The following TFAP2D variants were observed in gnomAD, a reference collection of about 807,000 sequenced individuals.
TFAP2D encodes the protein transcription factor AP-2 delta.
Under a neutral mutation model 43.6 loss-of-function variants are expected in TFAP2D, and 9 were observed. That is an observed-to-expected ratio of 0.21 (90% CI 0.12 to 0.36). TFAP2D has a LOEUF of 0.36. Among genes scored for constraint, TFAP2D ranks in the 10% least tolerant of loss-of-function variants. The probability of loss-of-function intolerance (pLI) is 1.00; values close to 1 mark genes in which losing one functional copy is unlikely to be tolerated. For missense variants in TFAP2D, 513 were observed against 561.4 expected (o/e 0.91, Z 0.87); for synonymous variants, 256 against 224.9 (o/e 1.14, Z -1.24).
intron 6 of TFAP2D, among the ~76,000 whole-genome samples, chr6:50,750,004 C>T (rs1459203129): frequency 6.6e-6 from 1 of 151,796 alleles, no homozygotes; most frequent in Non-Finnish European, 1.5e-5. Context: ...TGGCATTAAA[C>T]CAGACCCTCA....
At chr6:50,744,694 A>G (rs1769099590) in intron 5 of TFAP2D, among the ~76,000 whole-genome samples, 1 of 152,162 alleles carries the variant, frequency 6.6e-6, no homozygotes, top group Non-Finnish European at 1.5e-5. Context: ...TGGAAAAAAC[A>G]TCTGAATAGT....
chr6:50,752,242 A>T (rs1769210175), intron 7 of TFAP2D, among the ~76,000 whole-genome samples: 2 of 151,944 alleles, frequency 1.3e-5, no homozygotes, highest in South Asian at 4.1e-4. Flanking sequence ...AAAGAAATGT[A>T]TTATTGGAAG....
chr6:50,766,654 CTTTTTTT>C (rs763018088), intron 7 of TFAP2D, among the ~76,000 whole-genome samples: 8 of 57,384 alleles, frequency 1.4e-4, no homozygotes, highest in Middle Eastern at 0.02. Context: ...AGATTGCTTT[CTTTTTTT>C]TTTTTTTTTT....
In TFAP2D at chr6:50,733,143, G is replaced by A. The variant is rs564664286; in HGVS notation, c.883+3831G>A. Among the ~76,000 whole-genome samples, 9 of 152,148 alleles carry A rather than the reference G, an allele frequency of 5.9e-5. No homozygotes were observed. In the East Asian group the frequency reaches 1.7e-3, roughly 29 times the overall value. ...AGTTGTTTGAAAAGTGAACATTTTA[G>A]TAAGGCAGATATTTAGACTGGGGAT... is the stretch of plus-strand genomic sequence containing the variant. On this transcript the variant is annotated intron_variant, in intron 5 of 7. Coordinates refer to ENST00000008391, the MANE Select transcript of TFAP2D (RefSeq NM_172238.4).
At chr6:50,754,344 ATGTG>A (rs146556247) in intron 7 of TFAP2D, among the ~76,000 whole-genome samples, 2 of 148,186 alleles carry the variant, frequency 1.3e-5, no homozygotes, top group African/African-American at 2.5e-5. Flanking sequence ...GTGTGTGTGT[ATGTG>A]TGTGTGTGTG....
At chr6:50,743,208 T>C (rs1012493073) in intron 5 of TFAP2D, among the ~76,000 whole-genome samples, 12 of 152,148 alleles carry the variant, frequency 7.9e-5, no homozygotes, top group Admixed American at 7.2e-4. Context: ...ATGTGAAATA[T>C]GTGTGGAGAG....
chr6:50,748,048 C>A (rs1042348997), intron 6 of TFAP2D, among the ~76,000 whole-genome samples: 3 of 151,858 alleles, frequency 2.0e-5, no homozygotes, highest in Admixed American at 6.6e-5. Flanking sequence ...AATTATAATA[C>A]AGCTTTATAA....
intron 1 of TFAP2D, 80 bp downstream of exon 1, chr6:50,714,174 G>GGCGGCGGCA: frequency 3.5e-6 from 5 of 1,411,500 alleles, no homozygotes; most frequent in Non-Finnish European, 4.9e-6. Flanking sequence ...TGGCGGCGGC[G>GGCGGCGGCA]GTGGCAGCCT....
intron 6 of TFAP2D, among the ~76,000 whole-genome samples, chr6:50,746,721 G>A (rs1658905928): frequency 6.6e-6 from 1 of 152,108 alleles, no homozygotes; most frequent in Admixed American, 6.6e-5. Context: ...TGTAACATAG[G>A]ACTTTTTACA....
At chr6:50,769,882 G>C (rs1769500246) in intron 7 of TFAP2D, among the ~76,000 whole-genome samples, 1 of 152,120 alleles carries the variant, frequency 6.6e-6, no homozygotes, top group East Asian at 1.9e-4. Flanking sequence ...AAGTGATACA[G>C]ATAAAAAACT....
rs1769120695 is a variant in TFAP2D at position 50,746,021 on chromosome 6, G to A, written c.1025+773G>A. Among the ~76,000 whole-genome samples the A allele has an allele frequency of 1.3e-5, 2 of 152,100 alleles. 1 individual carries two copies. The highest frequency in any genetic ancestry group is 3.9e-4 in the East Asian group (2 of 5,178). ...ATCCAGCAGAACCGCAGATAGCACT[G>A]CAGGTTACGTTCAAAAGTTTTAGAG... On this transcript the variant is annotated intron_variant, in intron 6 of 7. Transcript: ENST00000008391.
At chr6:50,756,112 C>T (rs568271539) in intron 7 of TFAP2D, among the ~76,000 whole-genome samples, 4 of 152,160 alleles carry the variant, frequency 2.6e-5, no homozygotes, top group African/African-American at 9.6e-5. Flanking sequence ...GTCTGCCCAC[C>T]TTGGCCTCCT....
intron 1 of TFAP2D, among the ~76,000 whole-genome samples, chr6:50,714,716 G>T (rs946199156): frequency 6.6e-6 from 1 of 152,122 alleles, no homozygotes; most frequent in Non-Finnish European, 1.5e-5. Context: ...CTTTTCGGGT[G>T]GACTCGTTCC....
At chr6:50,714,138 T>TGTG (rs1768575103) in intron 1 of TFAP2D, 44 bp downstream of exon 1, 1 of 1,571,122 alleles carries the variant, frequency 6.4e-7, no homozygotes, top group East Asian at 2.3e-5. Context: ...CGCGCGTGTG[T>TGTG]GTGGCGGCGG....
intron 7 of TFAP2D, among the ~76,000 whole-genome samples, chr6:50,751,637 C>T (rs1323016135): frequency 6.6e-6 from 1 of 151,882 alleles, no homozygotes; most frequent in African/African-American, 2.4e-5. Flanking sequence ...ACAAGATCCC[C>T]TGGGCTCTTT....
chr6:50,772,505 C>G (rs1769543630), intron 7 of TFAP2D, 140 bp from the exon 8 acceptor site: 1 of 750,210 alleles, frequency 1.3e-6, no homozygotes, highest in Admixed American at 2.5e-5. Context: ...TGTGTTGTAT[C>G]TTCCACAATG....
At position 50,772,960 on chromosome 6, in the gene TFAP2D, T is replaced by C; in HGVS notation, c.*96T>C. ...GGTGACTAATCTTCAGTGGACCAAATCTCTACCCTTCCCCAACCCTCCATA... is the reference window on the plus strand; with the variant it reads ...GGTGACTAATCTTCAGTGGACCAAACCTCTACCCTTCCCCAACCCTCCATA... On this transcript the variant is annotated 3_prime_UTR_variant, in exon 8 of 8. Coordinates refer to ENST00000008391, the MANE Select transcript of TFAP2D (RefSeq NM_172238.4). 8.9e-7 allele frequency: 1 copy of C among 1,119,384 alleles called. No homozygotes were observed. Among genetic ancestry groups the C allele is most frequent in the Non-Finnish European group, 1.2e-6 (1 of 805,092 alleles). 69.3% of individuals were successfully genotyped at this position (1,119,384 alleles called of 1,614,324 possible).
rs540707851 is a variant in TFAP2D at position 50,714,981 on chromosome 6, C to T, written c.40-135C>T. The T allele has an allele frequency of 4.1e-6, 5 of 1,209,732 alleles. No individual in the cohort carries two copies. The East Asian group carries it at 1.3e-4, about 30-fold the overall frequency. The allele number at this position is 1,209,732 out of a possible 1,614,324, so 74.9% of individuals were successfully genotyped here. ...TGAAGACGCTGAGACCCGGCTTCGG[C>T]TCGGCCCGAGTCCTACGCGCTCGCT... is the stretch of plus-strand genomic sequence containing the variant. On this transcript the variant is annotated intron_variant, in intron 1 of 7. Coordinates refer to ENST00000008391, the MANE Select transcript of TFAP2D (RefSeq NM_172238.4).
intron 7 of TFAP2D, among the ~76,000 whole-genome samples, chr6:50,761,823 C>T (rs1451957306): frequency 6.6e-6 from 1 of 152,024 alleles, no homozygotes; most frequent in Non-Finnish European, 1.5e-5. Flanking sequence ...TCTTATTCCT[C>T]TAACATTCAG....
Sources: allele counts gnomAD v4.1 joint callset (sites outside exome capture counted in the v4.1 genomes callset), GRCh38; gene constraint gnomAD v4.1.1; transcripts MANE v1.5; gene names NCBI Gene and HGNC (gene_info 2026-07-23, HGNC 2026-07-21).